The following ERC1 variants were observed in gnomAD, a reference collection of about 807,000 sequenced individuals.
ERC1 encodes RAB6 interacting protein 2.
ERC1 carries 56 observed loss-of-function variants against 132.0 expected under a neutral mutation model. The observed-to-expected ratio is 0.42, with a 90% CI of 0.34 to 0.53. ERC1 has a LOEUF of 0.53. Ranked by LOEUF, ERC1 falls within the 20% of genes least tolerant of loss-of-function variation. The pLI is 0.03. For missense variants in ERC1, 1,202 were observed against 1,349.9 expected (o/e 0.89, Z 1.72); for synonymous variants, 478 against 476.1 (o/e 1.00, Z -0.05).
intron 14 of ERC1, among the ~76,000 whole-genome samples, chr12:1,264,985 T>G (rs2077388456): frequency 6.6e-6 from 1 of 152,176 alleles, no homozygotes; most frequent in South Asian, 2.1e-4. Context: ...AAGACCAACC[T>G]CATTGGCAAA....
At chr12:1,236,443 A>G (rs918333344) in intron 12 of ERC1, among the ~76,000 whole-genome samples, 3 of 152,206 alleles carry the variant, frequency 2.0e-5, no homozygotes, top group Non-Finnish European at 4.4e-5. Context: ...GATGTCAAAA[A>G]TACTGCTTCC....
At chr12:1,174,195 G>T (rs1172711387) in intron 8 of ERC1, among the ~76,000 whole-genome samples, 1 of 152,226 alleles carries the variant, frequency 6.6e-6, no homozygotes, top group Non-Finnish European at 1.5e-5. Context: ...GCGTGTTTCG[G>T]GTTTGTTCAG....
rs1163994552 is a variant in ERC1, at chr12:1,487,939, C to T, written c.3214-2154C>T. Among the ~76,000 whole-genome samples, 5 of 151,994 alleles carry T rather than the reference C, an allele frequency of 3.3e-5. No individual in the cohort carries two copies. In the South Asian group the frequency reaches 6.3e-4, roughly 19 times the overall value. ...GGATCACAAGGTCAGGAGATCTAGA[C>T]CATTCTGGCTAACACGGTGAAGCCC... is the stretch of plus-strand genomic sequence containing the variant. On this transcript the variant is annotated intron_variant, in intron 18 of 18. Coordinates refer to ENST00000360905, the MANE Select transcript of ERC1 (RefSeq NM_178040.4).
At chr12:1,016,866 G>C (rs1965608791) in intron 1 of ERC1, among the ~76,000 whole-genome samples, 1 of 151,958 alleles carries the variant, frequency 6.6e-6, no homozygotes, top group Non-Finnish European at 1.5e-5. Context: ...AGCCAGGCTG[G>C]TCTCAAACTC....
At chr12:1,306,966 G>GC (rs1211895508) in intron 15 of ERC1, among the ~76,000 whole-genome samples, 2 of 152,130 alleles carry the variant, frequency 1.3e-5, no homozygotes, top group African/African-American at 4.8e-5. Flanking sequence ...GTGGGCACAT[G>GC]CCCTCTTCTT....
At chr12:1,102,382 GAC>G (rs1478459071) in intron 3 of ERC1, among the ~76,000 whole-genome samples, 1 of 152,116 alleles carries the variant, frequency 6.6e-6, no homozygotes, top group Non-Finnish European at 1.5e-5. Context: ...GAATACAGAA[GAC>G]AGTTTCTAAA....
Position 1,146,308 on chromosome 12 carries a change from G to GTTTTTTTTTTTTTTTTTTTTTT in ERC1, c.1737+4525_1737+4546dup, listed in dbSNP as rs1172108036. Among the ~76,000 whole-genome samples the GTTTTTTTTTTTTTTTTTTTTTT allele has an allele frequency of 2.2e-4, 7 of 31,796 alleles. 1 individual carries two copies. Among genetic ancestry groups the GTTTTTTTTTTTTTTTTTTTTTT allele is most frequent in the Admixed American group, 4.2e-4 (1 of 2,380 alleles). 20.9% of individuals were successfully genotyped at this position (31,796 alleles called of 152,430 possible). Reference sequence around the variant, plus strand: ...ATTTCCTTGTTTAGGTATTTTACTGGTTTTTTTTTTTTTTTTTTTTTTTTT... The same window carrying GTTTTTTTTTTTTTTTTTTTTTT: ...ATTTCCTTGTTTAGGTATTTTACTGGTTTTTTTTTTTTTTTTTTTTTTTTTTTTTTTTTTTTTTTTTTTTTTT... On this transcript the variant is annotated intron_variant, in intron 8 of 18. Transcript: ENST00000360905.
intron 18 of ERC1, among the ~76,000 whole-genome samples, chr12:1,468,245 T>C (rs1017499137): frequency 7.3e-6 from 1 of 136,198 alleles, no homozygotes; most frequent in African/African-American, 3.7e-5. Context: ...TTCTTAGCAC[T>C]GTATGATACG....
At chr12:1,004,654 C>T (rs1379371920) in intron 1 of ERC1, among the ~76,000 whole-genome samples, 2 of 151,666 alleles carry the variant, frequency 1.3e-5, no homozygotes, top group Non-Finnish European at 3.0e-5. Flanking sequence ...ATCCAACCGC[C>T]TTGGCCCCCC....
intron 18 of ERC1, among the ~76,000 whole-genome samples, chr12:1,471,670 G>T (rs1007945783): frequency 2.6e-5 from 4 of 152,216 alleles, no homozygotes; most frequent in African/African-American, 4.8e-5. Context: ...CTTTGCTGGG[G>T]TTACTTGGTC....
At chr12:1,326,713 G>A (rs2082469109) in intron 15 of ERC1, among the ~76,000 whole-genome samples, 1 of 152,156 alleles carries the variant, frequency 6.6e-6, no homozygotes, top group Non-Finnish European at 1.5e-5. Flanking sequence ...TAGTTTCCCT[G>A]TTTATGAATA....
At chr12:1,320,024 A>T (rs7300575) in intron 15 of ERC1, among the ~76,000 whole-genome samples, 60,319 of 152,010 alleles carry the variant, frequency 0.4, 12,423 homozygotes, top group Middle Eastern at 0.52. Context: ...TATTTTTTAA[A>T]GTCAGCATAA....
At chr12:1,009,205 C>T (rs1263245925) in intron 1 of ERC1, among the ~76,000 whole-genome samples, 1 of 150,522 alleles carries the variant, frequency 6.6e-6, no homozygotes, top group Non-Finnish European at 1.5e-5. Flanking sequence ...GACAGAGTCT[C>T]TCTCTGTCGC....
At position 1,440,665 on chromosome 12, in the gene ERC1, TGTGA is replaced by T. The variant is rs1170949452; in HGVS notation, c.3025-3896_3025-3893del. On this transcript the variant is annotated intron_variant, in intron 17 of 18. Coordinates refer to ENST00000360905, the MANE Select transcript of ERC1 (RefSeq NM_178040.4). ...GTGTGTGTGTGTGTGTGTGTGTGTG[TGTGA>T]TGGAGTCTCACTCTGTCGCCCAGGC... 3.3e-4 allele frequency among the ~76,000 whole-genome samples: 37 copies of T among 112,486 alleles called. 1 individual carries two copies. The highest frequency in any genetic ancestry group is 1.1e-3 in the African/African-American group (33 of 28,970). The allele number at this position is 112,486 out of a possible 152,430, so 73.8% of individuals were successfully genotyped here.
intron 13 of ERC1, among the ~76,000 whole-genome samples, chr12:1,250,279 A>G (rs974983860): frequency 6.6e-6 from 1 of 152,160 alleles, no homozygotes; most frequent in African/African-American, 2.4e-5. Flanking sequence ...CTGCCTTCAA[A>G]TTAACTTTTG....
chr12:1,250,409 A>G (rs1158289513), intron 13 of ERC1, among the ~76,000 whole-genome samples: 2 of 152,098 alleles, frequency 1.3e-5, no homozygotes, highest in Non-Finnish European at 2.9e-5. Flanking sequence ...CCCCTGTGTG[A>G]TTTAACCCAT....
chr12:1,288,716 C>T (rs2079205028), intron 14 of ERC1, among the ~76,000 whole-genome samples: 2 of 152,048 alleles, frequency 1.3e-5, no homozygotes, highest in Admixed American at 1.3e-4. Flanking sequence ...TGGCAAATGC[C>T]CCACCTCTAC....
At chr12:1,295,594 C>T (rs1355045426) in intron 15 of ERC1, among the ~76,000 whole-genome samples, 4 of 151,932 alleles carry the variant, frequency 2.6e-5, no homozygotes, top group Non-Finnish European at 5.9e-5. Flanking sequence ...GCTGAGATAA[C>T]ACAAAAGATA....
intron 13 of ERC1, among the ~76,000 whole-genome samples, chr12:1,256,704 C>T (rs2076842037): frequency 1.3e-5 from 2 of 150,880 alleles, no homozygotes; most frequent in South Asian, 2.1e-4. Context: ...TGACATAATG[C>T]ATATCTTGCT....
Sources: allele counts gnomAD v4.1 joint callset (sites outside exome capture counted in the v4.1 genomes callset), GRCh38; gene constraint gnomAD v4.1.1; transcripts MANE v1.5; gene names NCBI Gene and HGNC (gene_info 2026-07-23, HGNC 2026-07-21).